Variants in EGLN2 observed in about 807,000 individuals in gnomAD.
EGLN2 encodes prolyl hydroxylase EGLN2.
A neutral mutation model predicts 38.2 loss-of-function variants in EGLN2; 15 were observed. The observed-to-expected ratio is 0.39, with a 90% CI of 0.26 to 0.60. EGLN2 has a LOEUF of 0.60. Ranked by LOEUF, EGLN2 falls within the 20% of genes least tolerant of loss-of-function variation. EGLN2 has a pLI of 0.50. For synonymous variants in EGLN2, 284 were observed against 237.4 expected (o/e 1.20, Z -1.81); for missense variants, 492 against 570.4 (o/e 0.86, Z 1.40).
chr19:40,801,094 C>T lies in EGLN2; in HGVS notation c.522C>T (p.Pro174=), dbSNP rs551623860. The change falls in exon 2 of 6, where the codon CCC becomes CCT. Residue 174 remains proline (P), a synonymous_variant. Transcript: ENST00000303961. ...GLMEEALPSA[P]ERLALDYIVP... The stretch of plus-strand genomic sequence containing the variant: ...TGGAGGAGGCGCTGCCCTCTGCGCC[C>T]GAGCGCCTGGCCCTGGACTATATCG... 1.7e-4 allele frequency: 278 copies of T among 1,612,716 alleles called. 6 individuals are homozygous for T. The South Asian group carries it at 2.8e-3, about 16-fold the overall frequency.
intron 2 of EGLN2, chr19:40,805,831 C>T (rs1410033242): frequency 6.6e-6 from 1 of 152,290 alleles, no homozygotes; most frequent in African/African-American, 2.4e-5. Context: ...ATTGCTACCG[C>T]TGTAAACAGC....
At chr19:40,805,496 C>G (rs972074627) in intron 2 of EGLN2, 7 of 152,236 alleles carry the variant, frequency 4.6e-5, no homozygotes, top group Non-Finnish European at 1.0e-4. Flanking sequence ...TCCATTGGAT[C>G]CATGGATGAG....
At chr19:40,805,482 G>A (rs1037787238) in intron 2 of EGLN2, 2 of 152,238 alleles carry the variant, frequency 1.3e-5, no homozygotes, top group African/African-American at 4.8e-5. Flanking sequence ...AAATAGCTGT[G>A]AGCTCCATTG....
At chr19:40,807,061 A>G in intron 3 of EGLN2, 77 bp from the exon 4 acceptor site, 2 of 1,591,836 alleles carry the variant, frequency 1.3e-6, no homozygotes, top group East Asian at 2.2e-5. Context: ...TGCGCCTCCT[A>G]GTGGGCTCCC....
In EGLN2 at chr19:40,800,877, A is replaced by C; in HGVS notation, c.305A>C (p.Lys102Thr). The C allele has an allele frequency of 3.7e-6, 6 of 1,611,618 alleles. No individual in the cohort carries two copies. The highest frequency in any genetic ancestry group is 5.1e-6 in the Non-Finnish European group (6 of 1,179,288). The change falls in exon 2 of 6, where the codon AAG (lysine) becomes ACG (threonine). Residue 102 changes from lysine (K) to threonine (T), a missense_variant. Lys to Thr is a moderately conservative substitution (Grantham distance 78). Coordinates refer to ENST00000303961, the MANE Select transcript of EGLN2 (RefSeq NM_080732.4). ...QSEGAAALVT[K>T]GCQRLAAQGA... is the part of the protein sequence containing the mutation. ...GAAGGCGCTGCAGCGCTGGTCACCA[A>C]GGGGTGCCAGCGATTGGCAGCCCAG...
At chr19:40,803,564 C>T (rs1442306940) in intron 2 of EGLN2, among the ~76,000 whole-genome samples, 1 of 152,108 alleles carries the variant, frequency 6.6e-6, no homozygotes, top group Non-Finnish European at 1.5e-5. Flanking sequence ...CAGCAGTTGC[C>T]GTGGGGACAT....
At chr19:40,804,231 TC>T (rs2083284809) in intron 2 of EGLN2, 1 of 152,280 alleles carries the variant, frequency 6.6e-6, no homozygotes, top group African/African-American at 2.4e-5. Flanking sequence ...CCCAGGGGCT[TC>T]CCTGTGGCTG....
Position 40,808,059 on chromosome 19 carries a change from G to A in EGLN2, c.*195G>A. The A allele has an allele frequency of 1.6e-6, 1 of 628,726 alleles. No individual in the cohort carries two copies. The highest frequency in any genetic ancestry group is 2.8e-6 in the Non-Finnish European group (1 of 360,704). The allele number at this position is 628,726 out of a possible 1,614,324, so 38.9% of individuals were successfully genotyped here. On this transcript the variant is annotated 3_prime_UTR_variant, in exon 6 of 6. Transcript: ENST00000303961. ...TTGCTGCCCCATCATGGGGGCTGGG[G>A]TTGTCACCTGGACAGGGGGCAGCCG...
chr19:40,807,475 G>T lies in EGLN2; in HGVS notation c.1101-9G>T, dbSNP rs566290717. ...CAGAAAACTAATGTCCAACCACCCT[G>T]GTCTCCAGGTACGCCATCACTGTCT... On this transcript the variant is annotated splice_polypyrimidine_tract_variant and intron_variant, in intron 4 of 5. Coordinates refer to ENST00000303961, the MANE Select transcript of EGLN2 (RefSeq NM_080732.4). 8.7e-6 allele frequency: 14 copies of T among 1,613,968 alleles called. No homozygotes were observed. The African/African-American group carries it at 1.7e-4, about 20-fold the overall frequency.
At chr19:40,806,974 T>A in intron 3 of EGLN2, 164 bp from the exon 4 acceptor site, 1 of 1,144,830 alleles carries the variant, frequency 8.7e-7, no homozygotes, top group Non-Finnish European at 1.2e-6. Context: ...CCTGCCCATC[T>A]CCATGGTGAT....
intron 2 of EGLN2, among the ~76,000 whole-genome samples, chr19:40,802,915 G>A (rs144283715): frequency 6.6e-6 from 1 of 152,388 alleles, no homozygotes; most frequent in Non-Finnish European, 1.5e-5. Flanking sequence ...CTGCTTCTGT[G>A]TGGCTTTCCT....
At position 40,808,204 on chromosome 19, in the gene EGLN2, T is replaced by C; in HGVS notation, c.*340T>C. 1 of 467,296 alleles carries C rather than the reference T, an allele frequency of 2.1e-6. No individual in the cohort carries two copies. Among genetic ancestry groups the C allele is most frequent in the South Asian group, 4.5e-5 (1 of 22,188 alleles). The allele number at this position is 467,296 out of a possible 1,614,324, so 28.9% of individuals were successfully genotyped here. ...TCACTTCCCACCAGGATGCAGGACT[T>C]GGGGTTGAGGTGAGTCATGGCCTCT... On this transcript the variant is annotated 3_prime_UTR_variant, in exon 6 of 6. Transcript: ENST00000303961.
Position 40,807,795 on chromosome 19 carries a change from C to A in EGLN2, c.1169-14C>A. 1 of 1,614,048 alleles carries A rather than the reference C, an allele frequency of 6.2e-7. No homozygotes were observed. The highest frequency in any genetic ancestry group is 8.5e-7 in the Non-Finnish European group (1 of 1,179,954). On this transcript the variant is annotated splice_polypyrimidine_tract_variant and intron_variant, in intron 5 of 5. Coordinates refer to ENST00000303961, the MANE Select transcript of EGLN2 (RefSeq NM_080732.4). ...TCTGATGACTCACTGTCTCCTGTCC[C>A]CTCTCACCCCCAGCATCAGGACAGA... is the stretch of plus-strand genomic sequence containing the variant.
At chr19:40,806,836 A>G (rs1343100241) in intron 3 of EGLN2, 162 bp downstream of exon 3, 2 of 1,067,938 alleles carry the variant, frequency 1.9e-6, no homozygotes, top group Non-Finnish European at 2.7e-6. Flanking sequence ...TTCCTGGGAA[A>G]TGGCACCTCC....
chr19:40,804,350 C>T (rs1178364542), intron 2 of EGLN2: 1 of 152,414 alleles, frequency 6.6e-6, no homozygotes. Flanking sequence ...GTCTCTGAAT[C>T]CTGAATAACA....
chr19:40,801,051 A>G lies in EGLN2; in HGVS notation c.479A>G (p.Glu160Gly), dbSNP rs201258123. The change falls in exon 2 of 6, where the codon GAG becomes GGG. Residue 160 changes from glutamate to glycine, a missense_variant. Glu to Gly is a moderately conservative substitution (Grantham distance 98). Transcript: ENST00000303961. ...MSCSCSSGSG[E>G]ASAGLMEEAL... ...TGCAGCTGCAGCAGTGGCAGTGGTG[A>G]GGCCAGTGCTGGGCTGATGGAGGAG... is the stretch of plus-strand genomic sequence containing the variant. The G allele has an allele frequency of 1.2e-5, 20 of 1,612,952 alleles. No individual in the cohort carries two copies. Among genetic ancestry groups the G allele is most frequent in the Non-Finnish European group, 1.6e-5 (19 of 1,179,822 alleles).
chr19:40,801,735 C>T (rs183556674), intron 2 of EGLN2, among the ~76,000 whole-genome samples: 1 of 142,624 alleles, frequency 7.0e-6, no homozygotes, highest in African/African-American at 2.6e-5. Context: ...GGCAGGGTCA[C>T]AGGACAATAG....
intron 2 of EGLN2, among the ~76,000 whole-genome samples, chr19:40,802,482 T>C (rs574185805): frequency 6.6e-6 from 1 of 152,366 alleles, no homozygotes; most frequent in African/African-American, 2.4e-5. Flanking sequence ...TCCCTTTTTC[T>C]TTTTGCTTTA....
chr19:40,803,179 C>A (rs2083275769), intron 2 of EGLN2: 1 of 152,338 alleles, frequency 6.6e-6, no homozygotes, highest in African/African-American at 2.4e-5. Context: ...AGATGGGACA[C>A]TGCTCTGAGC....
Sources: gnomAD v4.1 joint callset for allele counts (sites outside exome capture counted in the v4.1 genomes callset) on GRCh38, gnomAD v4.1.1 for gene constraint, MANE v1.5 for transcripts, NCBI Gene and HGNC (gene_info 2026-07-23, HGNC 2026-07-21) for gene names.